The following SEC22B variants were observed in gnomAD, a reference collection of about 807,000 sequenced individuals.
The protein encoded by SEC22B is SEC22 homolog B, vesicle trafficking protein.
Under a neutral mutation model 31.4 loss-of-function variants are expected in SEC22B, and 10 were observed. The observed-to-expected ratio is 0.32, with a 90% CI of 0.20 to 0.54. SEC22B has a LOEUF of 0.54. Among genes scored for constraint, SEC22B ranks in the 20% least tolerant of loss-of-function variants. SEC22B has a pLI of 0.94. For synonymous variants in SEC22B, 60 were observed against 95.9 expected, an observed-to-expected ratio of 0.63 and a Z score of 2.19; for missense variants, 130 against 263.4, an observed-to-expected ratio of 0.49 and a Z score of 3.50.
Position 120,160,526 on chromosome 1 carries a change from A to G in SEC22B, c.351T>C (p.Thr117=). ...SRPYSFIEFD[T]FIQKTKKLYI... is the part of the protein sequence containing the mutation. ...AGAGCTTCTTGGTTTTCTGAATGAA[A>G]GTATCTAGAATGATGAAGAAAACTG... Residue 117 remains threonine, a synonymous_variant, in exon 4 of 5, where the codon ACT becomes ACC. Coordinates refer to ENST00000578049, the MANE Select transcript of SEC22B (RefSeq NM_004892.6). 2.5e-6 allele frequency: 4 copies of G among 1,575,078 alleles called. No homozygotes were observed. In the South Asian group the frequency reaches 4.7e-5, roughly 18 times the overall value.
intron 1 of SEC22B, among the ~76,000 whole-genome samples, chr1:120,172,160 G>T (rs1657904800): frequency 1.0e-5 from 1 of 100,212 alleles, no homozygotes; most frequent in Non-Finnish European, 1.8e-5. Context: ...AGAATCGTTT[G>T]AACCTGGGGA....
At chr1:120,159,553 T>C (rs1657682428) in intron 4 of SEC22B, among the ~76,000 whole-genome samples, 1 of 148,884 alleles carries the variant, frequency 6.7e-6, no homozygotes, top group African/African-American at 2.4e-5. Flanking sequence ...ATTAAATATA[T>C]ATTTAATATG....
chr1:120,176,003 A>G (rs1263736894), intron 1 of SEC22B, among the ~76,000 whole-genome samples: 1 of 152,216 alleles, frequency 6.6e-6, no homozygotes, highest in Non-Finnish European at 1.5e-5. Flanking sequence ...AGAAATCCTG[A>G]ATTTTAACAA....
rs587764692 is a variant in SEC22B, at chr1:120,153,425, T to C, written c.*3613A>G. On this transcript the variant is annotated 3_prime_UTR_variant, in exon 5 of 5. Transcript: ENST00000578049. Reference sequence around the variant, plus strand: ...GAGATATTTTATTATACATGTTTTATTAAACCCTATATGTGCAGAAATGAT... The same window carrying C: ...GAGATATTTTATTATACATGTTTTACTAAACCCTATATGTGCAGAAATGAT... The C allele has an allele frequency of 1.7e-4, 26 of 151,416 alleles. No individual in the cohort carries two copies. The East Asian group carries it at 4.9e-3, about 28-fold the overall frequency. The allele number at this position is 151,416 out of a possible 1,614,324, so 9.4% of individuals were successfully genotyped here.
At chr1:120,169,866 T>A (rs1362633291) in intron 1 of SEC22B, among the ~76,000 whole-genome samples, 6 of 144,192 alleles carry the variant, frequency 4.2e-5, no homozygotes, top group Admixed American at 2.8e-4. Flanking sequence ...TTTGCTGGTA[T>A]CCCCCACAAA....
intron 1 of SEC22B, among the ~76,000 whole-genome samples, chr1:120,169,385 T>C (rs1418563756): frequency 6.6e-6 from 1 of 152,142 alleles, no homozygotes; most frequent in Non-Finnish European, 1.5e-5. Flanking sequence ...TGTTACAGTT[T>C]TTAGCATTTA....
chr1:120,153,078 T>C lies in SEC22B; in HGVS notation c.*3960A>G, dbSNP rs2101124242. ...TTGTTACAGTACTTGAAATAAACTTTATGAGAACTGAGTGACTACATTGCT... is the reference window on the plus strand; with the variant it reads ...TTGTTACAGTACTTGAAATAAACTTCATGAGAACTGAGTGACTACATTGCT... On this transcript the variant is annotated 3_prime_UTR_variant, in exon 5 of 5. Transcript: ENST00000578049. The C allele has an allele frequency of 6.6e-6, 1 of 151,802 alleles. No individual in the cohort carries two copies. Among genetic ancestry groups the C allele is most frequent in the Middle Eastern group, 3.4e-3 (1 of 294 alleles). The allele number at this position is 151,802 out of a possible 1,614,324, so 9.4% of individuals were successfully genotyped here. A position where few individuals can be genotyped will look rare whatever the true frequency, so the allele number is the denominator to read the frequency against.
At chr1:120,169,952 G>A (rs1657869101) in intron 1 of SEC22B, among the ~76,000 whole-genome samples, 2 of 151,830 alleles carry the variant, frequency 1.3e-5, no homozygotes, top group South Asian at 4.2e-4. Flanking sequence ...TAAGTCATGA[G>A]GGTAGAGCCC....
At chr1:120,166,906 A>G (rs1657822162) in intron 2 of SEC22B, among the ~76,000 whole-genome samples, 2 of 111,392 alleles carry the variant, frequency 1.8e-5, no homozygotes, top group East Asian at 4.1e-4. Flanking sequence ...ATAAATATGT[A>G]TAATTATTAC....
intron 2 of SEC22B, among the ~76,000 whole-genome samples, chr1:120,166,090 T>C (rs1335357110): frequency 5.3e-5 from 8 of 150,644 alleles, no homozygotes; most frequent in African/African-American, 2.0e-4. Flanking sequence ...CAACGACATA[T>C]TATTTCACCC....
rs1657533661 is a variant in SEC22B, at chr1:120,151,392, A to AC, written c.*5645_*5646insG. 3.3e-5 allele frequency: 5 copies of AC among 152,316 alleles called. No individual in the cohort carries two copies. Among genetic ancestry groups the AC allele is most frequent in the African/African-American group, 9.7e-5 (4 of 41,444 alleles). 9.4% of individuals were successfully genotyped at this position (152,316 alleles called of 1,614,324 possible). ...AGTATGATTAGCACACACACACACA[A>AC]AAATTATTGGCCGGGCGCAGTGGCC... On this transcript the variant is annotated 3_prime_UTR_variant, in exon 5 of 5. Transcript: ENST00000578049.
chr1:120,151,569 G>A lies in SEC22B; in HGVS notation c.*5469C>T, dbSNP rs1657539872. 1 of 151,816 alleles carries A rather than the reference G, an allele frequency of 6.6e-6. No individual in the cohort carries two copies. The highest frequency in any genetic ancestry group is 2.4e-5 in the African/African-American group (1 of 41,244). The allele number at this position is 151,816 out of a possible 1,614,324, so 9.4% of individuals were successfully genotyped here. A position where few individuals can be genotyped will look rare whatever the true frequency, so the allele number is the denominator to read the frequency against. ...TAATCCCAGCTACTCAGTAGGCTGA[G>A]GCAGGAGAATCACTTGAACCCGGGA... On this transcript the variant is annotated 3_prime_UTR_variant, in exon 5 of 5. Coordinates refer to ENST00000578049, the MANE Select transcript of SEC22B (RefSeq NM_004892.6).
At chr1:120,161,713 A>G (rs1657720554) in intron 3 of SEC22B, among the ~76,000 whole-genome samples, 2 of 151,958 alleles carry the variant, frequency 1.3e-5, no homozygotes. Flanking sequence ...TAAATAAATA[A>G]ATAAATAAAA....
intron 3 of SEC22B, 86 bp from the exon 4 acceptor site, chr1:120,160,616 G>A (rs1399749007): frequency 2.6e-5 from 32 of 1,241,000 alleles, no homozygotes; most frequent in South Asian, 2.4e-4. Flanking sequence ...TTGGCCAGGC[G>A]CGGTGGCTCA....
chr1:120,165,991 T>G (rs1167057871), intron 2 of SEC22B, among the ~76,000 whole-genome samples: 1 of 150,768 alleles, frequency 6.6e-6, no homozygotes, highest in Non-Finnish European at 1.5e-5. Context: ...AGGAACAGAA[T>G]TGACATTTCT....
At position 120,176,369 on chromosome 1, in the gene SEC22B, T is replaced by C; in HGVS notation, c.13A>G (p.Thr5Ala). Reference sequence around the variant, plus strand: ...CCGTCCGCCACTCGGGCGATCATTGTTAGCAACACCATCTTCACAAACTAC... The same window carrying C: ...CCGTCCGCCACTCGGGCGATCATTGCTAGCAACACCATCTTCACAAACTAC... MVLL[T>A]MIARVADGLP... is the part of the protein sequence containing the mutation. The change falls in exon 1 of 5, where the codon ACA becomes GCA. Residue 5 changes from threonine to alanine, a missense_variant. By Grantham distance (58) the Thr-to-Ala change is moderately conservative. This residue lies in a region of SEC22B where 32 missense variants were observed against 26.3 expected (regional missense o/e 1.22). Transcript: ENST00000578049. 6.2e-7 allele frequency: 1 copy of C among 1,613,828 alleles called. No individual in the cohort carries two copies. Among genetic ancestry groups the C allele is most frequent in the South Asian group, 1.1e-5 (1 of 91,060 alleles).
chr1:120,159,898 G>A (rs1657685749), intron 4 of SEC22B, among the ~76,000 whole-genome samples: 1 of 151,118 alleles, frequency 6.6e-6, no homozygotes, highest in Non-Finnish European at 1.5e-5. Flanking sequence ...CAAATAACAA[G>A]CTCTCAATAA....
chr1:120,165,465 CA>C (rs1404960023), intron 2 of SEC22B, among the ~76,000 whole-genome samples: 14 of 152,162 alleles, frequency 9.2e-5, no homozygotes, highest in Non-Finnish European at 1.6e-4. Context: ...AGTGGTTTTC[CA>C]ACTTCTTTTT....
chr1:120,163,945 C>CTTTTCTTTTTTT (rs1553229598), intron 2 of SEC22B, among the ~76,000 whole-genome samples: 2 of 68,934 alleles, frequency 2.9e-5, no homozygotes, highest in African/African-American at 1.3e-4. Flanking sequence ...ATTAGATTCT[C>CTTTTCTTTTTTT]TTTTTTTTTT....
Sources: allele counts gnomAD v4.1 joint callset (sites outside exome capture counted in the v4.1 genomes callset), GRCh38; gene constraint gnomAD v4.1.1; regional missense constraint gnomAD v4.1.1; transcripts MANE v1.5; gene names NCBI Gene and HGNC (gene_info 2026-07-23, HGNC 2026-07-21).